The following BLTP3A variants were observed in gnomAD, a reference collection of about 807,000 sequenced individuals.
BLTP3A encodes the protein ICBP90 binding protein 1.
At chr6:34,854,473 C>T in the BLTP3A span, among the ~76,000 whole-genome samples, 1 of 151,840 alleles carries the variant, frequency 6.6e-6, no homozygotes, top group Non-Finnish European at 1.5e-5. Flanking sequence ...GGTTTCTTAA[C>T]CCAGTAATGA....
At chr6:34,859,445 A>AGGAGGCTCTACATGCCACCAT in the BLTP3A span, 1 of 1,614,102 alleles carries the variant, frequency 6.2e-7, no homozygotes, top group Non-Finnish European at 8.5e-7. Context: ...GATGCCACCA[A>AGGAGGCTCTACATGCCACCAT]GGAGGCTCTA....
the BLTP3A span, among the ~76,000 whole-genome samples, chr6:34,825,503 C>T: frequency 2.0e-5 from 3 of 152,132 alleles, no homozygotes; most frequent in Non-Finnish European, 4.4e-5. Flanking sequence ...GATGGGGTTT[C>T]ACCATGTTAG....
the BLTP3A span, among the ~76,000 whole-genome samples, chr6:34,792,632 C>T: frequency 6.6e-6 from 1 of 152,194 alleles, no homozygotes; most frequent in Non-Finnish European, 1.5e-5. Context: ...AGCAGGTCAC[C>T]CCGTGCTCCC....
At chr6:34,810,581 A>G in the BLTP3A span, among the ~76,000 whole-genome samples, 2 of 152,066 alleles carry the variant, frequency 1.3e-5, no homozygotes, top group African/African-American at 4.8e-5. Flanking sequence ...TGATACTCCC[A>G]CCTCAGCCTA....
chr6:34,837,699 G>A, the BLTP3A span, among the ~76,000 whole-genome samples: 1 of 152,018 alleles, frequency 6.6e-6, no homozygotes, highest in East Asian at 1.9e-4. Flanking sequence ...TAATCTTGAA[G>A]TGATTTCAAC....
At chr6:34,826,026 A>ATTTTT in the BLTP3A span, among the ~76,000 whole-genome samples, 1 of 76,644 alleles carries the variant, frequency 1.3e-5, no homozygotes, top group Non-Finnish European at 2.4e-5. Context: ...TACATTTTGC[A>ATTTTT]TTTTTTTTTT....
chr6:34,806,979 A>T, the BLTP3A span, among the ~76,000 whole-genome samples: 1 of 152,162 alleles, frequency 6.6e-6, no homozygotes, highest in Non-Finnish European at 1.5e-5. Flanking sequence ...TTCTTATCCA[A>T]TAGTGAATAA....
the BLTP3A span, among the ~76,000 whole-genome samples, chr6:34,803,764 A>G: frequency 6.6e-5 from 10 of 152,010 alleles, no homozygotes; most frequent in Non-Finnish European, 1.3e-4. Context: ...TGTATCAGTC[A>G]TTTGAAAGTT....
chr6:34,873,165 A>G, the BLTP3A span: 1 of 152,194 alleles, frequency 6.6e-6, no homozygotes, highest in African/African-American at 2.4e-5. Context: ...CCCCTCTATA[A>G]TACAACTTAC....
At chr6:34,799,823 C>T in the BLTP3A span, among the ~76,000 whole-genome samples, 14 of 151,994 alleles carry the variant, frequency 9.2e-5, no homozygotes, top group Non-Finnish European at 1.6e-4. Context: ...AAAAAGTATT[C>T]CATAAACAAT....
the BLTP3A span, chr6:34,859,665 T>G: frequency 4.5e-6 from 7 of 1,541,444 alleles, no homozygotes; most frequent in Non-Finnish European, 3.5e-6. Flanking sequence ...ATTTCTAGAT[T>G]GGGAAGTACC....
At chr6:34,859,109 C>T in the BLTP3A span, 2 of 1,614,172 alleles carry the variant, frequency 1.2e-6, no homozygotes, top group Non-Finnish European at 1.7e-6. Flanking sequence ...GAACTGAAGT[C>T]TGATGCCTCA....
chr6:34,834,509 C>T, the BLTP3A span: 3 of 1,494,628 alleles, frequency 2.0e-6, no homozygotes, highest in South Asian at 1.3e-5. Flanking sequence ...CTCAAATGTT[C>T]CCCATTCCTG....
the BLTP3A span, among the ~76,000 whole-genome samples, chr6:34,820,780 T>C: frequency 6.0e-5 from 9 of 149,046 alleles, no homozygotes; most frequent in African/African-American, 2.2e-4. Context: ...GCCTCCTGGG[T>C]AGCTGGGACT....
the BLTP3A span, among the ~76,000 whole-genome samples, chr6:34,865,942 G>A: frequency 6.6e-6 from 1 of 152,224 alleles, no homozygotes; most frequent in African/African-American, 2.4e-5. Flanking sequence ...CCGGGGCAGT[G>A]GCTCACGCCT....
chr6:34,871,392 C>G, the BLTP3A span, among the ~76,000 whole-genome samples: 1 of 152,170 alleles, frequency 6.6e-6, no homozygotes, highest in East Asian at 1.9e-4. Flanking sequence ...TTACCATGTG[C>G]AAGCCATCAG....
the BLTP3A span, among the ~76,000 whole-genome samples, chr6:34,795,391 T>G: frequency 1.3e-5 from 2 of 149,828 alleles, no homozygotes; most frequent in Non-Finnish European, 3.0e-5. Context: ...ACATACAGTT[T>G]TTTTTGTTTT....
chr6:34,800,102 C>T, the BLTP3A span, among the ~76,000 whole-genome samples: 1 of 151,874 alleles, frequency 6.6e-6, no homozygotes, highest in Non-Finnish European at 1.5e-5. Context: ...CAAGGCATAC[C>T]TCAAGGAGGA....
the BLTP3A span, among the ~76,000 whole-genome samples, chr6:34,843,890 A>G: frequency 2.2e-5 from 3 of 139,452 alleles, no homozygotes; most frequent in Non-Finnish European, 4.5e-5. Flanking sequence ...TTTTCTCTAC[A>G]TCTTTGCCAC....
Sources: gnomAD v4.1 joint callset for allele counts (sites outside exome capture counted in the v4.1 genomes callset) on GRCh38, gnomAD v4.1.1 for gene constraint, MANE v1.5 for transcripts, NCBI Gene and HGNC (gene_info 2026-07-23, HGNC 2026-07-21) for gene names.